Variants in LARP1B observed in about 807,000 individuals in gnomAD.
The protein encoded by LARP1B is La ribonucleoprotein 1B.
Under a neutral mutation model 114.2 loss-of-function variants are expected in LARP1B, and 76 were observed. That is an observed-to-expected ratio of 0.67 (90% CI 0.55 to 0.81). The LOEUF (loss-of-function observed/expected upper bound fraction) is 0.81. Among genes scored for constraint, LARP1B ranks in the 30% least tolerant of loss-of-function variants. The pLI is 0.00. For synonymous variants in LARP1B, 345 were observed against 348.0 expected (o/e 0.99, Z 0.10); for missense variants, 1,014 against 1,075.8 (o/e 0.94, Z 0.80).
intron 15 of LARP1B, among the ~76,000 whole-genome samples, chr4:128,183,539 G>A (rs1419139016): frequency 1.3e-5 from 2 of 152,192 alleles, no homozygotes; most frequent in Non-Finnish European, 2.9e-5. Flanking sequence ...CTCATTGACA[G>A]TGTACGTCAT....
At position 128,162,229 on chromosome 4, in the gene LARP1B, T is replaced by G. The variant is rs144539609; in HGVS notation, c.1560T>G (p.Ile520Met). The G allele has an allele frequency of 1.1e-5, 18 of 1,612,464 alleles. No individual in the cohort carries two copies. The African/African-American group carries it at 1.9e-4, about 17-fold the overall frequency. The change falls in exon 12 of 20, where the codon ATT (isoleucine) becomes ATG (methionine). Residue 520 changes from isoleucine (I) to methionine (M), a missense_variant. By Grantham distance (10) the Ile-to-Met change is conservative. Coordinates refer to ENST00000326639, the MANE Select transcript of LARP1B (RefSeq NM_018078.4). ...EVENFKKLNL[I>M]SKEQFENLTP... is the part of the protein sequence containing the mutation. ...AGAACTTTAAGAAGCTAAATCTCATTAGTAAAGAGCAGTTTGAAAACCTAA... is the reference window on the plus strand; with the variant it reads ...AGAACTTTAAGAAGCTAAATCTCATGAGTAAAGAGCAGTTTGAAAACCTAA...
chr4:128,114,839 A>G, intron 10 of LARP1B, 97 bp downstream of exon 10: 3 of 1,059,458 alleles, frequency 2.8e-6, no homozygotes, highest in South Asian at 1.7e-5. Context: ...AAAATTTGGA[A>G]AAGTTTAGCA....
chr4:128,062,199 C>T, intron 1 of LARP1B: 2 of 985,468 alleles, frequency 2.0e-6, no homozygotes, highest in South Asian at 9.4e-5. Flanking sequence ...CCACCGCCCC[C>T]GCTGGAAACC....
In LARP1B at chr4:128,176,886, G is replaced by C; in HGVS notation, c.1663G>C (p.Val555Leu). ...SQSRQGGVQG[V>L]LHIPKKDLTD... ...TCTCTTGGCAGGAGGTGTTCAAGGAGTGCTTCACATTCCCAAGAAAGGTAA... is the reference window on the plus strand; with the variant it reads ...TCTCTTGGCAGGAGGTGTTCAAGGACTGCTTCACATTCCCAAGAAAGGTAA... Residue 555 changes from valine to leucine, a missense_variant, in exon 13 of 20, where the codon GTG becomes CTG. Val to Leu is a conservative substitution (Grantham distance 32). Transcript: ENST00000326639. The C allele has an allele frequency of 6.2e-7, 1 of 1,614,068 alleles. No individual in the cohort carries two copies. Among genetic ancestry groups the C allele is most frequent in the Non-Finnish European group, 8.5e-7 (1 of 1,179,902 alleles).
At chr4:128,133,141 C>A (rs1424638996) in intron 11 of LARP1B, among the ~76,000 whole-genome samples, 1 of 152,170 alleles carries the variant, frequency 6.6e-6, no homozygotes, top group Non-Finnish European at 1.5e-5. Flanking sequence ...CACCACTCAA[C>A]CGTGGTTCCT....
intron 8 of LARP1B, among the ~76,000 whole-genome samples, chr4:128,098,772 T>A (rs1194816358): frequency 0.039 from 1,588 of 40,332 alleles, 41 homozygotes; most frequent in African/African-American, 0.065. Flanking sequence ...TATATATTTT[T>A]TTTTTTTTTT....
chr4:128,209,383 T>A (rs1375576606), intron 19 of LARP1B, among the ~76,000 whole-genome samples: 1 of 152,080 alleles, frequency 6.6e-6, no homozygotes, highest in Non-Finnish European at 1.5e-5. Flanking sequence ...GTGGCACCAC[T>A]GCACATCAGC....
chr4:128,190,993 C>G (rs574713981), intron 15 of LARP1B, among the ~76,000 whole-genome samples: 4 of 152,138 alleles, frequency 2.6e-5, no homozygotes, highest in Admixed American at 1.3e-4. Flanking sequence ...TTCTTCATTC[C>G]TTTCTTTTTC....
At chr4:128,159,711 C>G (rs1737539268) in intron 11 of LARP1B, among the ~76,000 whole-genome samples, 1 of 152,076 alleles carries the variant, frequency 6.6e-6, no homozygotes, top group Non-Finnish European at 1.5e-5. Context: ...ACTGAAAATA[C>G]CACACATTGG....
intron 15 of LARP1B, among the ~76,000 whole-genome samples, chr4:128,181,722 A>G (rs1054637138): frequency 1.3e-5 from 2 of 151,774 alleles, no homozygotes; most frequent in Non-Finnish European, 2.9e-5. Context: ...TTTATCTAAC[A>G]GATGTACTCA....
intron 1 of LARP1B, chr4:128,061,806 C>G (rs1760214091): frequency 2.0e-6 from 2 of 984,920 alleles, no homozygotes. Flanking sequence ...GAGCAGCCGC[C>G]CCCGCCCGAA....
chr4:128,173,729 C>T (rs1744791975), intron 12 of LARP1B, among the ~76,000 whole-genome samples: 1 of 152,158 alleles, frequency 6.6e-6, no homozygotes, highest in African/African-American at 2.4e-5. Flanking sequence ...TGAGAATATA[C>T]ATTTCTAACA....
intron 2 of LARP1B, 21 bp from the exon 3 acceptor site, chr4:128,074,913 C>T: frequency 6.5e-7 from 1 of 1,539,562 alleles, no homozygotes; most frequent in East Asian, 2.2e-5. Flanking sequence ...TCAGACCTAA[C>T]ACTTATTTGT....
chr4:128,130,395 A>T lies in LARP1B; in HGVS notation c.1524+8207A>T, dbSNP rs1418040836. The stretch of plus-strand genomic sequence containing the variant: ...GAAAAAACTTGAAAGACCTGAGCTG[A>T]CACTTCACCAAAGAAGATAAACAGC... On this transcript the variant is annotated intron_variant, in intron 11 of 19. Transcript: ENST00000326639. Among the ~76,000 whole-genome samples the T allele has an allele frequency of 3.3e-5, 5 of 152,234 alleles. No homozygotes were observed. The East Asian group carries it at 9.6e-4, about 29-fold the overall frequency.
intron 5 of LARP1B, among the ~76,000 whole-genome samples, chr4:128,086,474 A>G (rs1376497094): frequency 6.6e-6 from 1 of 152,096 alleles, no homozygotes; most frequent in Non-Finnish European, 1.5e-5. Context: ...GACTACAGGC[A>G]TGCACAACAG....
Position 128,121,898 on chromosome 4 carries a change from G to A in LARP1B, c.1234G>A (p.Asp412Asn). 1 of 1,612,538 alleles carries A rather than the reference G, an allele frequency of 6.2e-7. No individual in the cohort carries two copies. The highest frequency in any genetic ancestry group is 8.5e-7 in the Non-Finnish European group (1 of 1,179,624). The part of the protein sequence containing the change: ...SSEEPEQEEL[D>N]FLFDEEIEQI... ...AGAAGAACCAGAACAAGAAGAACTT[G>A]ATTTTTTGTTTGATGAAGAGATTGA... The change falls in exon 11 of 20, where the codon GAT becomes AAT. Residue 412 changes from aspartate (D) to asparagine (N), a missense_variant. Coordinates refer to ENST00000326639, the MANE Select transcript of LARP1B (RefSeq NM_018078.4).
At chr4:128,106,763 T>C (rs2149793548) in intron 8 of LARP1B, among the ~76,000 whole-genome samples, 1 of 152,256 alleles carries the variant, frequency 6.6e-6, no homozygotes. Context: ...ATTCAATAAA[T>C]TGTGGTAATT....
At chr4:128,134,196 G>A (rs147571290) in intron 11 of LARP1B, among the ~76,000 whole-genome samples, 296 of 152,022 alleles carry the variant, frequency 1.9e-3, no homozygotes, top group African/African-American at 6.7e-3. Context: ...GTGTGTGGAG[G>A]CAGGGTCTTG....
downstream of LARP1B, among the ~76,000 whole-genome samples, chr4:128,212,860 T>G (rs1024531802): frequency 6.6e-6 from 1 of 151,528 alleles, no homozygotes; most frequent in African/African-American, 2.4e-5. Flanking sequence ...ACACCAATTA[T>G]GATAAATCTT....
Sources: allele counts gnomAD v4.1 joint callset (sites outside exome capture counted in the v4.1 genomes callset), GRCh38; gene constraint gnomAD v4.1.1; transcripts MANE v1.5; gene names NCBI Gene and HGNC (gene_info 2026-07-23, HGNC 2026-07-21).